ST6GALNAC3: variants seen among roughly 807,000 people sequenced by gnomAD.
ST6GALNAC3 encodes the protein ST6 N-acetylgalactosaminide alpha-2,6-sialyltransferase 3.
Under a neutral mutation model 32.7 loss-of-function variants are expected in ST6GALNAC3, and 25 were observed. The observed-to-expected ratio is 0.76, with a 90% CI of 0.56 to 1.07. The LOEUF (loss-of-function observed/expected upper bound fraction) is 1.07, where lower values mean the gene tolerates loss of function less well. ST6GALNAC3 is among the 50% of genes least tolerant of loss of function. ST6GALNAC3 has a pLI of 0.00. For synonymous variants in ST6GALNAC3, 129 were observed against 133.1 expected, an observed-to-expected ratio of 0.97 and a Z score of 0.21; for missense variants, 355 against 382.4, an observed-to-expected ratio of 0.93 and a Z score of 0.60.
intron 1 of ST6GALNAC3, among the ~76,000 whole-genome samples, chr1:76,214,760 A>G (rs1302280374): frequency 6.6e-6 from 1 of 152,212 alleles, no homozygotes; most frequent in African/African-American, 2.4e-5. Context: ...TTAAATTAGA[A>G]AAGTCCTTAT....
At chr1:76,357,203 C>G (rs1649549985) in intron 2 of ST6GALNAC3, among the ~76,000 whole-genome samples, 1 of 127,236 alleles carries the variant, frequency 7.9e-6, no homozygotes, top group Admixed American at 1.0e-4. Context: ...GGCATAATCT[C>G]AACTCACTGC....
chr1:76,092,123 A>G (rs1194672886), intron 1 of ST6GALNAC3, among the ~76,000 whole-genome samples: 1 of 152,236 alleles, frequency 6.6e-6, no homozygotes, highest in Non-Finnish European at 1.5e-5. Context: ...CCAGAATGGT[A>G]CAAGTGGAAA....
intron 3 of ST6GALNAC3, among the ~76,000 whole-genome samples, chr1:76,413,991 G>A (rs1654448385): frequency 6.6e-6 from 1 of 152,042 alleles, no homozygotes; most frequent in Admixed American, 6.6e-5. Flanking sequence ...CATTTGCGGG[G>A]AGGTATCAGA....
chr1:76,174,156 A>G (rs563760005), intron 1 of ST6GALNAC3, among the ~76,000 whole-genome samples: 65 of 152,370 alleles, frequency 4.3e-4, no homozygotes, highest in Middle Eastern at 3.4e-3. Flanking sequence ...CTATGCAGCC[A>G]TAAAAAGAAA....
intron 1 of ST6GALNAC3, among the ~76,000 whole-genome samples, chr1:76,080,169 C>T (rs544421000): frequency 2.6e-5 from 4 of 152,216 alleles, no homozygotes; most frequent in South Asian, 4.1e-4. Flanking sequence ...GGGGTGTTGA[C>T]GGTTACTGAA....
chr1:76,620,965 A>G lies in ST6GALNAC3; in HGVS notation c.624-6487A>G, dbSNP rs1208398186. 2.0e-5 allele frequency among the ~76,000 whole-genome samples: 3 copies of G among 152,116 alleles called. No homozygotes were observed. In the East Asian group the frequency reaches 5.8e-4, roughly 29 times the overall value. Reference sequence around the variant, plus strand: ...GGCGTTAAAGCCTAAGGACATGAAGAAAATAACCTTTTAATTTCTGAGATG... The same window carrying G: ...GGCGTTAAAGCCTAAGGACATGAAGGAAATAACCTTTTAATTTCTGAGATG... On this transcript the variant is annotated intron_variant, in intron 3 of 4. Coordinates refer to ENST00000328299, the MANE Select transcript of ST6GALNAC3 (RefSeq NM_152996.4).
intron 1 of ST6GALNAC3, chr1:76,310,124 C>A: frequency 2.8e-6 from 1 of 363,370 alleles, no homozygotes; most frequent in Admixed American, 3.8e-5. Context: ...AGCACAAATC[C>A]CATCTGGGTC....
intron 1 of ST6GALNAC3, among the ~76,000 whole-genome samples, chr1:76,190,864 G>T (rs66489023): frequency 6.6e-6 from 1 of 152,070 alleles, no homozygotes; most frequent in Non-Finnish European, 1.5e-5. Flanking sequence ...TTTAAAAATT[G>T]GTATTGGTTC....
chr1:76,113,032 C>T (rs553138496), intron 1 of ST6GALNAC3, among the ~76,000 whole-genome samples: 1 of 152,324 alleles, frequency 6.6e-6, no homozygotes, highest in South Asian at 2.1e-4. Context: ...CGCCACTGCA[C>T]TCCAGCCTGG....
At chr1:76,370,139 C>A (rs17098844) in intron 2 of ST6GALNAC3, among the ~76,000 whole-genome samples, 3,980 of 152,170 alleles carry the variant, frequency 0.026, 180 homozygotes, top group African/African-American at 0.089. Context: ...GTGGCCACCT[C>A]GTTGAGCTTT....
At chr1:76,605,775 GAATCAC>G (rs1225539880) in intron 3 of ST6GALNAC3, among the ~76,000 whole-genome samples, 1 of 136,076 alleles carries the variant, frequency 7.3e-6, no homozygotes, top group Non-Finnish European at 1.5e-5. Context: ...TGAGGCAGGA[GAATCAC>G]TTGAACCCAA....
chr1:76,398,187 T>G (rs1358489112), intron 2 of ST6GALNAC3, among the ~76,000 whole-genome samples: 1 of 152,192 alleles, frequency 6.6e-6, no homozygotes, highest in African/African-American at 2.4e-5. Flanking sequence ...TCTAAATAAT[T>G]TCCTTGAACT....
intron 1 of ST6GALNAC3, among the ~76,000 whole-genome samples, chr1:76,086,068 G>A (rs1046879114): frequency 6.6e-6 from 1 of 152,178 alleles, no homozygotes; most frequent in South Asian, 2.1e-4. Flanking sequence ...GGCACCACTT[G>A]TGTCTGGAAA....
chr1:76,333,326 C>G (rs1647237920), intron 2 of ST6GALNAC3, among the ~76,000 whole-genome samples: 1 of 152,074 alleles, frequency 6.6e-6, no homozygotes, highest in Admixed American at 6.6e-5. Context: ...TAATAACTTT[C>G]TGGGCATTAA....
Position 76,301,065 on chromosome 1 carries a change from G to A in ST6GALNAC3, c.19-12740G>A, listed in dbSNP as rs748683107. Among the ~76,000 whole-genome samples, 54 of 152,010 alleles carry A rather than the reference G, an allele frequency of 3.6e-4. 1 individual carries two copies. The highest frequency in any genetic ancestry group is 2.9e-5 in the Non-Finnish European group (2 of 67,968). Reference sequence around the variant, plus strand: ...GGGCACTAAGCTAGGCCTTTTCTGTGTTATCTAAGTATTTAATTTTCATAA... The same window carrying A: ...GGGCACTAAGCTAGGCCTTTTCTGTATTATCTAAGTATTTAATTTTCATAA... On this transcript the variant is annotated intron_variant, in intron 1 of 4. Coordinates refer to ENST00000328299, the MANE Select transcript of ST6GALNAC3 (RefSeq NM_152996.4).
At chr1:76,123,749 ATTTTTTTT>A (rs767734132) in intron 1 of ST6GALNAC3, among the ~76,000 whole-genome samples, 1 of 94,290 alleles carries the variant, frequency 1.1e-5, no homozygotes, top group Admixed American at 1.5e-4. Context: ...ACTCATTTTA[ATTTTTTTT>A]TTTTTTTTTT....
chr1:76,512,503 T>G (rs933828889), intron 3 of ST6GALNAC3, among the ~76,000 whole-genome samples: 1 of 152,228 alleles, frequency 6.6e-6, no homozygotes, highest in Non-Finnish European at 1.5e-5. Context: ...ATTTGATATT[T>G]TGATACACAT....
chr1:76,416,993 T>C (rs1051214290), intron 3 of ST6GALNAC3, among the ~76,000 whole-genome samples: 1 of 152,104 alleles, frequency 6.6e-6, no homozygotes, highest in Non-Finnish European at 1.5e-5. Context: ...GAAATATGTA[T>C]ATCATTTAAA....
At chr1:76,431,094 T>G (rs140036107) in intron 3 of ST6GALNAC3, among the ~76,000 whole-genome samples, 36 of 152,220 alleles carry the variant, frequency 2.4e-4, no homozygotes, top group Admixed American at 1.1e-3. Context: ...GGCAGCCCCC[T>G]CCTCTTGCTG....
Sources: allele counts gnomAD v4.1 joint callset (sites outside exome capture counted in the v4.1 genomes callset), GRCh38; gene constraint gnomAD v4.1.1; transcripts MANE v1.5; gene names NCBI Gene and HGNC (gene_info 2026-07-23, HGNC 2026-07-21).